ARHGAP26: variants seen among roughly 807,000 people sequenced by gnomAD.
The protein encoded by ARHGAP26 is Rho GTPase activating protein 26, also known as rho GTPase-activating protein 26.
Under a neutral mutation model 104.8 loss-of-function variants are expected in ARHGAP26, and 38 were observed. That is an observed-to-expected ratio of 0.36 (90% confidence interval 0.28 to 0.48). The LOEUF (loss-of-function observed/expected upper bound fraction) is 0.48, where lower values mean the gene tolerates loss of function less well. Ranked by LOEUF, ARHGAP26 falls within the 20% of genes least tolerant of loss-of-function variation. The pLI, the probability that ARHGAP26 is intolerant of heterozygous loss-of-function variation, is 0.99. For missense variants in ARHGAP26, 704 were observed against 947.9 expected (o/e 0.74, Z 3.38); for synonymous variants, 341 against 340.0 (o/e 1.00, Z -0.03).
At chr5:142,949,206 AGAGAGAGAGAGAGAGGAGAGAGAGAG>A (rs1767819138) in intron 11 of ARHGAP26, among the ~76,000 whole-genome samples, 2 of 53,174 alleles carry the variant, frequency 3.8e-5, no homozygotes, top group African/African-American at 3.4e-4. Flanking sequence ...AGAGAGAGAG[AGAGAGAGAGAGAGAGGAGAGAGAGAG>A]GAGAGAGAGA....
At chr5:142,938,145 TGTTATA>T (rs1048605789) in intron 11 of ARHGAP26, among the ~76,000 whole-genome samples, 8 of 152,300 alleles carry the variant, frequency 5.3e-5, no homozygotes, top group South Asian at 2.1e-4. Context: ...TTTGATGCTA[TGTTATA>T]GTTTTAAAAG....
intron 20 of ARHGAP26, among the ~76,000 whole-genome samples, chr5:143,183,849 G>A (rs1429672881): frequency 6.6e-6 from 1 of 152,172 alleles, no homozygotes; most frequent in African/African-American, 2.4e-5. Context: ...AGAGATGCTG[G>A]TGGAGAATAT....
chr5:143,034,769 A>G (rs907055087), intron 12 of ARHGAP26, among the ~76,000 whole-genome samples: 2 of 152,180 alleles, frequency 1.3e-5, no homozygotes, highest in Non-Finnish European at 2.9e-5. Context: ...ATTTAAAAAA[A>G]AAAAATTCCT....
At chr5:142,926,290 G>C (rs775818186) in intron 10 of ARHGAP26, among the ~76,000 whole-genome samples, 1 of 152,102 alleles carries the variant, frequency 6.6e-6, no homozygotes, top group Non-Finnish European at 1.5e-5. Context: ...TGAGAGGTGA[G>C]GTGCCAGCTT....
At chr5:143,037,169 T>C (rs1401334507) in intron 12 of ARHGAP26, 27 bp from the exon 13 acceptor site, 2 of 1,583,210 alleles carry the variant, frequency 1.3e-6, no homozygotes, top group East Asian at 2.3e-5. Context: ...GGCTAGCAAC[T>C]TGACTGTCCT....
At chr5:143,050,008 G>A (rs1562328710) in intron 14 of ARHGAP26, among the ~76,000 whole-genome samples, 2 of 152,112 alleles carry the variant, frequency 1.3e-5, no homozygotes, top group African/African-American at 4.8e-5. Context: ...AGCTCTGGGT[G>A]CCCCAGAAAG....
At chr5:142,850,955 C>T (rs536655738) in intron 1 of ARHGAP26, among the ~76,000 whole-genome samples, 2 of 152,300 alleles carry the variant, frequency 1.3e-5, no homozygotes, top group South Asian at 2.1e-4. Flanking sequence ...CAGTGTCAAC[C>T]AGGCCACAGG....
At chr5:142,889,353 C>T (rs149120056) in intron 5 of ARHGAP26, among the ~76,000 whole-genome samples, 1,814 of 152,266 alleles carry the variant, frequency 0.012, 37 homozygotes, top group African/African-American at 0.041. Flanking sequence ...TGGCTCATGC[C>T]TGTAATCCCA....
At chr5:143,209,493 A>G (rs544449975) in intron 21 of ARHGAP26, among the ~76,000 whole-genome samples, 48 of 152,270 alleles carry the variant, frequency 3.2e-4, no homozygotes, top group Non-Finnish European at 4.4e-5. Context: ...TGAAATAGTC[A>G]AGGCAGGCCG....
At chr5:143,097,957 A>G (rs1415208382) in intron 17 of ARHGAP26, among the ~76,000 whole-genome samples, 1 of 152,106 alleles carries the variant, frequency 6.6e-6, no homozygotes, top group Non-Finnish European at 1.5e-5. Flanking sequence ...AAAAGTCTGG[A>G]GGTTTTTTTA....
In ARHGAP26 at chr5:142,894,234, G is replaced by T. The variant is rs1019630974; in HGVS notation, c.487-4G>T. On this transcript the variant is annotated splice_polypyrimidine_tract_variant and splice_region_variant and intron_variant, in intron 5 of 22. Transcript: ENST00000645722. ...TTTTCTCTTAAATTCCATCTTGTTT[G>T]TAGGCAGACAGCCAAGTGGACCTGG... is the stretch of plus-strand genomic sequence containing the variant. The T allele has an allele frequency of 1.2e-5, 20 of 1,612,212 alleles. No individual in the cohort carries two copies. The highest frequency in any genetic ancestry group is 1.7e-5 in the Non-Finnish European group (20 of 1,178,874).
At position 142,858,754 on chromosome 5, in the gene ARHGAP26, T is replaced by C. The variant is rs577178232; in HGVS notation, c.155-14646T>C. Among the ~76,000 whole-genome samples the C allele has an allele frequency of 2.0e-5, 3 of 152,222 alleles. No individual in the cohort carries two copies. The South Asian group carries it at 6.2e-4, about 32-fold the overall frequency. On this transcript the variant is annotated intron_variant, in intron 1 of 22. Coordinates refer to ENST00000645722, the MANE Select transcript of ARHGAP26 (RefSeq NM_001135608.3). ...TCACCACACTCAAAGAGATTACCAA[T>C]TGAAGGGATAAGAAAGGGAATTCTG...
At chr5:142,887,375 T>C (rs1197259189) in intron 5 of ARHGAP26, among the ~76,000 whole-genome samples, 1 of 152,242 alleles carries the variant, frequency 6.6e-6, no homozygotes, top group East Asian at 1.9e-4. Context: ...TGTTAAATAC[T>C]CATGAAATAT....
intron 20 of ARHGAP26, among the ~76,000 whole-genome samples, chr5:143,183,586 A>G (rs1353417874): frequency 3.9e-5 from 6 of 152,126 alleles, no homozygotes; most frequent in Admixed American, 3.9e-4. Context: ...CAGGCAACTC[A>G]TTTCTTGAGC....
intron 1 of ARHGAP26, among the ~76,000 whole-genome samples, chr5:142,807,947 G>T (rs1001667644): frequency 6.6e-6 from 1 of 152,104 alleles, no homozygotes; most frequent in African/African-American, 2.4e-5. Flanking sequence ...TAAGAATGTT[G>T]TATTTTGGCA....
chr5:142,778,063 T>C (rs1256458019), intron 1 of ARHGAP26, among the ~76,000 whole-genome samples: 1 of 152,150 alleles, frequency 6.6e-6, no homozygotes, highest in Admixed American at 6.5e-5. Context: ...GGTGACAGCA[T>C]CACAGATGGT....
chr5:143,181,291 G>C (rs1233468840), intron 20 of ARHGAP26, among the ~76,000 whole-genome samples: 1 of 152,204 alleles, frequency 6.6e-6, no homozygotes, highest in African/African-American at 2.4e-5. Context: ...ACTCTGGCTT[G>C]CCATTGCAGC....
intron 6 of ARHGAP26, 108 bp downstream of exon 6, chr5:142,894,456 C>T: frequency 1.0e-6 from 1 of 973,336 alleles, no homozygotes; most frequent in South Asian, 1.5e-5. Context: ...GTTGAGCAGC[C>T]CTGACACTGT....
In ARHGAP26 at chr5:143,160,441, T is replaced by TCATC. The variant is rs1562528501; in HGVS notation, c.1988+13060_1988+13061insCATC. 2.6e-4 allele frequency among the ~76,000 whole-genome samples: 39 copies of TCATC among 151,406 alleles called. 1 individual carries two copies. Among genetic ancestry groups the TCATC allele is most frequent in the East Asian group, 2.1e-3 (11 of 5,140 alleles). On this transcript the variant is annotated intron_variant, in intron 20 of 22. Transcript: ENST00000645722. ...AATGAGATGCTATTTGACAGAAGAG[T>TCATC]AAGGCCTTTACCAAGAAGTTGTTGC...
Sources: allele counts gnomAD v4.1 joint callset (sites outside exome capture counted in the v4.1 genomes callset), GRCh38; gene constraint gnomAD v4.1.1; transcripts MANE v1.5; gene names NCBI Gene and HGNC (gene_info 2026-07-23, HGNC 2026-07-21).